FAM241B: variants seen among roughly 807,000 people sequenced by gnomAD.
FAM241B encodes the protein family with sequence similarity 241 member B, also known as protein FAM241B.
Under a neutral mutation model 9.3 loss-of-function variants are expected in FAM241B, and 7 were observed. That is an observed-to-expected ratio of 0.75 (90% CI 0.43 to 1.41). FAM241B has a LOEUF of 1.41. FAM241B is among the 40% of genes most tolerant of loss of function. The pLI is 0.01. For synonymous variants in FAM241B, 60 were observed against 64.1 expected (o/e 0.94, Z 0.31); for missense variants, 136 against 159.6 (o/e 0.85, Z 0.80).
rs138995196 is a variant in FAM241B at position 69,632,897 on chromosome 10, C to T, written c.204C>T (p.Asn68=). 614 of 1,614,258 alleles carry T rather than the reference C, an allele frequency of 3.8e-4. 5 individuals carry two copies. In the South Asian group the frequency reaches 6.3e-3, roughly 17 times the overall value. The stretch of plus-strand genomic sequence containing the variant: ...CTCAGTCCCCCTTCAATGACCTCAA[C>T]CGGCAGCTGGTGAACATGGGCTTTC... ...GAAQSPFNDL[N]RQLVNMGFPQ... Residue 68 remains asparagine, a synonymous_variant, in exon 4 of 4, where the codon AAC becomes AAT. Coordinates refer to ENST00000373279, the MANE Select transcript of FAM241B (RefSeq NM_145306.3).
At chr10:69,630,876 C>T (rs1284317893) in intron 1 of FAM241B, among the ~76,000 whole-genome samples, 1 of 152,098 alleles carries the variant, frequency 6.6e-6, no homozygotes, top group East Asian at 1.9e-4. Context: ...AGGTGAGGGG[C>T]GTGCCCTCTG....
In FAM241B at chr10:69,631,398, A is replaced by G. The variant is rs1839816673; in HGVS notation, c.-103-82A>G. On this transcript the variant is annotated intron_variant, in intron 1 of 3. Coordinates refer to ENST00000373279, the MANE Select transcript of FAM241B (RefSeq NM_145306.3). ...TTCCTTTGCCAAGGATCTTTTTGAT[A>G]GTTTTCCTGGTGGACTCAATGTCTG... is the stretch of plus-strand genomic sequence containing the variant. The G allele has an allele frequency of 3.4e-6, 4 of 1,161,362 alleles. No individual in the cohort carries two copies. In the African/African-American group the frequency reaches 4.7e-5, roughly 14 times the overall value. The allele number at this position is 1,161,362 out of a possible 1,614,324, so 71.9% of individuals were successfully genotyped here. A position where few individuals can be genotyped will look rare whatever the true frequency, so the allele number is the denominator to read the frequency against.
intron 1 of FAM241B, 91 bp downstream of exon 1, chr10:69,630,404 G>T (rs1032395916): frequency 6.4e-6 from 1 of 155,718 alleles, no homozygotes; most frequent in African/African-American, 2.4e-5. Flanking sequence ...GCTGGGGCTG[G>T]CGGCCGGGGC....
At chr10:69,632,242 G>T (rs2616090) in intron 3 of FAM241B, among the ~76,000 whole-genome samples, 1 of 151,890 alleles carries the variant, frequency 6.6e-6, no homozygotes, top group Non-Finnish European at 1.5e-5. Context: ...GGGCGGATCA[G>T]GAGGCCAGGA....
intron 1 of FAM241B, chr10:69,630,552 C>A (rs969561492): frequency 3.6e-4 from 376 of 1,050,472 alleles, no homozygotes; most frequent in Non-Finnish European, 4.6e-4. Flanking sequence ...GCGCCAGGGC[C>A]AGCGGGCTTC....
Position 69,633,273 on chromosome 10 carries a change from T to C in FAM241B, c.*214T>C, listed in dbSNP as rs1292361418. The C allele has an allele frequency of 1.2e-5, 8 of 652,276 alleles. No homozygotes were observed. The highest frequency in any genetic ancestry group is 2.1e-5 in the Non-Finnish European group (8 of 386,570). The allele number at this position is 652,276 out of a possible 1,614,324, so 40.4% of individuals were successfully genotyped here. The stretch of plus-strand genomic sequence containing the variant: ...TGGGTGGGTCCGTTGGTTCCCAAGA[T>C]ACTTTTAGGTGGTATGGGGCCTGCA... On this transcript the variant is annotated 3_prime_UTR_variant, in exon 4 of 4. Coordinates refer to ENST00000373279, the MANE Select transcript of FAM241B (RefSeq NM_145306.3).
intron 1 of FAM241B, among the ~76,000 whole-genome samples, chr10:69,631,123 A>C (rs1839812483): frequency 6.6e-6 from 1 of 152,186 alleles, no homozygotes; most frequent in Non-Finnish European, 1.5e-5. Context: ...GTACCCAGGG[A>C]GGGCCCTAGA....
At chr10:69,630,935 C>G (rs773448739) in intron 1 of FAM241B, among the ~76,000 whole-genome samples, 1 of 152,130 alleles carries the variant, frequency 6.6e-6, no homozygotes, top group African/African-American at 2.4e-5. Context: ...GATGGTCTGC[C>G]GCTACCAGGC....
Position 69,632,730 on chromosome 10 carries a change from A to C in FAM241B, c.97-60A>C, listed in dbSNP as rs150058848. ...GGCAGGATGCAGCCTAGAGAGGTTGATTCCTGGCTGGTGCGTCAACCCAAT... is the reference window on the plus strand; with the variant it reads ...GGCAGGATGCAGCCTAGAGAGGTTGCTTCCTGGCTGGTGCGTCAACCCAAT... On this transcript the variant is annotated intron_variant, in intron 3 of 3. Transcript: ENST00000373279. 7.6e-6 allele frequency: 12 copies of C among 1,570,358 alleles called. 1 individual carries two copies. The African/African-American group carries it at 1.2e-4, about 16-fold the overall frequency.
chr10:69,631,750 C>T lies in FAM241B; in HGVS notation c.7C>T (p.Arg3Trp), dbSNP rs756774072. The T allele has an allele frequency of 1.9e-6, 3 of 1,612,878 alleles. No homozygotes were observed. Among genetic ancestry groups the T allele is most frequent in the South Asian group, 1.1e-5 (1 of 90,428 alleles). ...ACCCACAGCGCCTGGGAGGATGGTGCGGATCTTGGCCAATGGGGAAATCGT... is the reference window on the plus strand; with the variant it reads ...ACCCACAGCGCCTGGGAGGATGGTGTGGATCTTGGCCAATGGGGAAATCGT... MVRILANGEIVQD... is the reference protein window; with the variant it reads MVWILANGEIVQD... The change falls in exon 3 of 4, where the codon CGG (arginine) becomes TGG (tryptophan). Residue 3 changes from arginine to tryptophan, a missense_variant. Coordinates refer to ENST00000373279, the MANE Select transcript of FAM241B (RefSeq NM_145306.3).
intron 1 of FAM241B, among the ~76,000 whole-genome samples, chr10:69,630,863 G>GA (rs1839806430): frequency 6.6e-6 from 1 of 152,198 alleles, no homozygotes; most frequent in Admixed American, 6.5e-5. Context: ...CGAAGTGAGG[G>GA]ACAGGTGAGG....
intron 1 of FAM241B, chr10:69,630,541 T>G: frequency 1.0e-6 from 1 of 967,426 alleles, no homozygotes; most frequent in Non-Finnish European, 1.3e-6. Flanking sequence ...CCGCTCGGCC[T>G]GCGCCAGGGC....
intron 3 of FAM241B, among the ~76,000 whole-genome samples, chr10:69,632,557 C>T (rs1286096358): frequency 6.6e-6 from 1 of 152,040 alleles, no homozygotes; most frequent in Non-Finnish European, 1.5e-5. Flanking sequence ...CAACCACTTC[C>T]TCTCTCCTCT....
rs1365420250 is a variant in FAM241B at position 69,632,878 on chromosome 10, C to T, written c.185C>T (p.Ser62Phe). The T allele has an allele frequency of 5.0e-6, 8 of 1,614,096 alleles. No individual in the cohort carries two copies. The African/African-American group carries it at 1.1e-4, about 22-fold the overall frequency. The change falls in exon 4 of 4, where the codon TCC becomes TTC. Residue 62 changes from serine (S) to phenylalanine (F), a missense_variant. Ser to Phe is a radical substitution (Grantham distance 155). Transcript: ENST00000373279. ...GGTGCCAGGCTGGGTGCTGCTCAGT[C>T]CCCCTTCAATGACCTCAACCGGCAG... is the stretch of plus-strand genomic sequence containing the variant. ...QAGARLGAAQSPFNDLNRQLV... is the reference protein window; with the variant it reads ...QAGARLGAAQFPFNDLNRQLV...
rs1167588288 is a variant in FAM241B at position 69,633,298 on chromosome 10, A to G, written c.*239A>G. The G allele has an allele frequency of 3.5e-6, 2 of 579,430 alleles. No homozygotes were observed. Among genetic ancestry groups the G allele is most frequent in the Admixed American group, 3.2e-5 (1 of 31,630 alleles). 35.9% of individuals were successfully genotyped at this position (579,430 alleles called of 1,614,324 possible). A position where few individuals can be genotyped will look rare whatever the true frequency, so the allele number is the denominator to read the frequency against. On this transcript the variant is annotated 3_prime_UTR_variant, in exon 4 of 4. Transcript: ENST00000373279. Reference sequence around the variant, plus strand: ...TACTTTTAGGTGGTATGGGGCCTGCATTAAGTGGCACAAAATCAGAGCAAG... The same window carrying G: ...TACTTTTAGGTGGTATGGGGCCTGCGTTAAGTGGCACAAAATCAGAGCAAG...
rs150438556 is a variant in FAM241B at position 69,631,797 on chromosome 10, G to A, written c.54G>A (p.Val18=). 1 of 1,613,076 alleles carries A rather than the reference G, an allele frequency of 6.2e-7. No individual in the cohort carries two copies. The highest frequency in any genetic ancestry group is 1.3e-5 in the African/African-American group (1 of 74,898). The change falls in exon 3 of 4, where the codon GTG becomes GTA. Residue 18 remains valine, a synonymous_variant. Coordinates refer to ENST00000373279, the MANE Select transcript of FAM241B (RefSeq NM_145306.3). The part of the protein sequence containing the change: ...GEIVQDDDPR[V]RTTTQPPRGS... ...TCGTGCAGGATGACGACCCCCGAGT[G>A]AGGACCACTACCCAGCCACCAAGAG... is the stretch of plus-strand genomic sequence containing the variant.
chr10:69,633,415 C>T lies in FAM241B; in HGVS notation c.*356C>T, dbSNP rs1839865892. On this transcript the variant is annotated 3_prime_UTR_variant, in exon 4 of 4. Coordinates refer to ENST00000373279, the MANE Select transcript of FAM241B (RefSeq NM_145306.3). ...TGTTCCGATGCCTGTGGAAGACATG[C>T]CGACGTCTCCTCTGCCTAGGGAGCA... 2 of 295,328 alleles carry T rather than the reference C, an allele frequency of 6.8e-6. No individual in the cohort carries two copies. Among genetic ancestry groups the T allele is most frequent in the Non-Finnish European group, 1.3e-5 (2 of 157,250 alleles). The allele number at this position is 295,328 out of a possible 1,614,324, so 18.3% of individuals were successfully genotyped here.
At position 69,631,559 on chromosome 10, in the gene FAM241B, C is replaced by T. The variant is rs993673959; in HGVS notation, c.-36+12C>T. Reference sequence around the variant, plus strand: ...TCCCTCAATTTCTGGTAAATTTTTTCCTTCAAGCTTTTTGAGGTCAGGGGG... The same window carrying T: ...TCCCTCAATTTCTGGTAAATTTTTTTCTTCAAGCTTTTTGAGGTCAGGGGG... On this transcript the variant is annotated intron_variant, in intron 2 of 3. Coordinates refer to ENST00000373279, the MANE Select transcript of FAM241B (RefSeq NM_145306.3). 3 of 1,546,646 alleles carry T rather than the reference C, an allele frequency of 1.9e-6. No homozygotes were observed. The highest frequency in any genetic ancestry group is 1.7e-4 in the Middle Eastern group (1 of 5,976).
chr10:69,632,892 C>T lies in FAM241B; in HGVS notation c.199C>T (p.Leu67Phe). 1 of 1,614,244 alleles carries T rather than the reference C, an allele frequency of 6.2e-7. No homozygotes were observed. Among genetic ancestry groups the T allele is most frequent in the Non-Finnish European group, 8.5e-7 (1 of 1,180,046 alleles). ...TGCTGCTCAGTCCCCCTTCAATGAC[C>T]TCAACCGGCAGCTGGTGAACATGGG... ...LGAAQSPFND[L>F]NRQLVNMGFP... Residue 67 changes from leucine to phenylalanine, a missense_variant, in exon 4 of 4, where the codon CTC becomes TTC. By Grantham distance (22) the Leu-to-Phe change is conservative. Coordinates refer to ENST00000373279, the MANE Select transcript of FAM241B (RefSeq NM_145306.3).
Sources: allele counts gnomAD v4.1 joint callset (sites outside exome capture counted in the v4.1 genomes callset), GRCh38; gene constraint gnomAD v4.1.1; transcripts MANE v1.5; gene names NCBI Gene and HGNC (gene_info 2026-07-23, HGNC 2026-07-21).